TRPC7: variants seen among roughly 807,000 people sequenced by gnomAD.
TRPC7 encodes the protein short transient receptor potential channel 7.
TRPC7 carries 42 observed loss-of-function variants against 90.1 expected under a neutral mutation model. The ratio of observed to expected loss-of-function variants is 0.47; its 90% CI spans 0.36 to 0.60. The LOEUF (loss-of-function observed/expected upper bound fraction) is 0.60. Ranked by LOEUF, TRPC7 falls within the 20% of genes least tolerant of loss-of-function variation. The probability of loss-of-function intolerance (pLI) is 0.00; values close to 1 mark genes in which losing one functional copy is unlikely to be tolerated. For missense variants in TRPC7, 955 were observed against 1,112.3 expected, an observed-to-expected ratio of 0.86 and a Z score of 2.01; for synonymous variants, 451 against 436.3, an observed-to-expected ratio of 1.03 and a Z score of -0.42.
intron 5 of TRPC7, among the ~76,000 whole-genome samples, chr5:136,264,305 G>A (rs564203486): frequency 4.6e-4 from 70 of 152,322 alleles, no homozygotes; most frequent in African/African-American, 1.6e-3. Context: ...ATTTACCAGA[G>A]TCTTCTACCT....
At chr5:136,288,241 A>ATC (rs1434180387) in intron 3 of TRPC7, among the ~76,000 whole-genome samples, 10 of 152,256 alleles carry the variant, frequency 6.6e-5, no homozygotes, top group Non-Finnish European at 1.0e-4. Context: ...TATGTGAGAT[A>ATC]TCTTACCAGC....
intron 6 of TRPC7, among the ~76,000 whole-genome samples, chr5:136,250,554 G>A (rs1756486946): frequency 6.6e-6 from 1 of 152,134 alleles, no homozygotes; most frequent in African/African-American, 2.4e-5. Flanking sequence ...AAATTACAGT[G>A]TTTGAACAAG....
intron 2 of TRPC7, among the ~76,000 whole-genome samples, chr5:136,322,812 G>A (rs1428656354): frequency 6.6e-6 from 1 of 152,134 alleles, no homozygotes; most frequent in Non-Finnish European, 1.5e-5. Context: ...AATCCTTTGT[G>A]CACTTAAAAC....
intron 3 of TRPC7, among the ~76,000 whole-genome samples, chr5:136,311,107 A>G (rs1415673063): frequency 6.6e-6 from 1 of 152,130 alleles, no homozygotes; most frequent in Non-Finnish European, 1.5e-5. Flanking sequence ...GGCCTCTCTC[A>G]TGCAAAACCG....
At chr5:136,299,133 C>G (rs1017619694) in intron 3 of TRPC7, among the ~76,000 whole-genome samples, 2 of 151,954 alleles carry the variant, frequency 1.3e-5, no homozygotes, top group African/African-American at 2.4e-5. Flanking sequence ...GAAACCCCGT[C>G]TCTACTAAAA....
At chr5:136,353,588 G>C (rs1309825083) in intron 2 of TRPC7, among the ~76,000 whole-genome samples, 1 of 152,092 alleles carries the variant, frequency 6.6e-6, no homozygotes, top group Admixed American at 6.5e-5. Context: ...CTGCTAAGCT[G>C]CTCTCCTCTG....
At chr5:136,222,572 C>T (rs1403002401) in intron 10 of TRPC7, among the ~76,000 whole-genome samples, 1 of 152,154 alleles carries the variant, frequency 6.6e-6, no homozygotes, top group South Asian at 2.1e-4. Flanking sequence ...ATACTCAGAT[C>T]CCCCCTCAAA....
intron 1 of TRPC7, among the ~76,000 whole-genome samples, chr5:136,363,529 A>G (rs7444275): frequency 0.28 from 42,438 of 152,056 alleles, 7,168 homozygotes; most frequent in Admixed American, 0.42. Flanking sequence ...ACGAGTTCAT[A>G]CATTTCACCA....
At chr5:136,296,455 A>ACTTTATGCAG (rs1163939047) in intron 3 of TRPC7, among the ~76,000 whole-genome samples, 113 of 152,370 alleles carry the variant, frequency 7.4e-4, no homozygotes, top group African/African-American at 2.4e-3. Flanking sequence ...AGGAAATAAC[A>ACTTTATGCAG]GAAAAGAAGG....
chr5:136,270,496 G>A (rs1197881184), intron 4 of TRPC7, among the ~76,000 whole-genome samples: 2 of 152,148 alleles, frequency 1.3e-5, no homozygotes, highest in African/African-American at 4.8e-5. Flanking sequence ...ACACAAAGGT[G>A]GACCCAAACA....
chr5:136,249,190 T>C (rs1246688084), intron 6 of TRPC7, among the ~76,000 whole-genome samples: 1 of 152,336 alleles, frequency 6.6e-6, no homozygotes, highest in South Asian at 2.1e-4. Context: ...GGATATTACA[T>C]AGCAATTCGT....
rs768506100 is a variant in TRPC7 at position 136,349,372 on chromosome 5, A to G, written c.780+7236T>C. 1.8e-3 allele frequency among the ~76,000 whole-genome samples: 268 copies of G among 152,314 alleles called. 6 individuals carry two copies. The highest frequency in any genetic ancestry group is 1.3e-3 in the Admixed American group (20 of 15,304). ...CAGAAATCAGCAAGACCCTCTGAAT[A>G]GAGGAGGTGCTGAATTTTAAGCCGT... On this transcript the variant is annotated intron_variant, in intron 2 of 11. Coordinates refer to ENST00000513104, the MANE Select transcript of TRPC7 (RefSeq NM_020389.3).
intron 5 of TRPC7, among the ~76,000 whole-genome samples, chr5:136,264,577 G>A (rs1401320050): frequency 6.6e-6 from 1 of 151,992 alleles, no homozygotes; most frequent in African/African-American, 2.4e-5. Flanking sequence ...TTGGTCACAG[G>A]GTTGCTGTTT....
At chr5:136,284,348 A>G (rs1267055831) in intron 3 of TRPC7, among the ~76,000 whole-genome samples, 1 of 152,216 alleles carries the variant, frequency 6.6e-6, no homozygotes, top group Non-Finnish European at 1.5e-5. Flanking sequence ...TAAATTTCTT[A>G]ATGGGCTGGG....
intron 8 of TRPC7, among the ~76,000 whole-genome samples, chr5:136,228,098 C>G (rs1351787053): frequency 6.6e-6 from 1 of 152,074 alleles, no homozygotes; most frequent in East Asian, 1.9e-4. Flanking sequence ...CCAGGAGAGG[C>G]CCACAAGAGT....
intron 3 of TRPC7, among the ~76,000 whole-genome samples, chr5:136,308,903 C>T (rs2149835974): frequency 6.6e-6 from 1 of 152,276 alleles, no homozygotes; most frequent in Admixed American, 6.5e-5. Flanking sequence ...CTGACAAGTT[C>T]TATTAATAGT....
At chr5:136,308,192 G>A (rs982733971) in intron 3 of TRPC7, among the ~76,000 whole-genome samples, 2 of 152,190 alleles carry the variant, frequency 1.3e-5, no homozygotes, top group Non-Finnish European at 2.9e-5. Flanking sequence ...TTTGCTTCTT[G>A]AGAAAACAAA....
intron 5 of TRPC7, among the ~76,000 whole-genome samples, chr5:136,259,713 G>A (rs149923134): frequency 2.6e-5 from 4 of 152,288 alleles, no homozygotes; most frequent in South Asian, 2.1e-4. Context: ...GATTCCTATG[G>A]TATGTGTGGA....
chr5:136,298,105 A>G (rs1379363695), intron 3 of TRPC7, among the ~76,000 whole-genome samples: 1 of 152,232 alleles, frequency 6.6e-6, no homozygotes, highest in Non-Finnish European at 1.5e-5. Context: ...ACAAGTAAAC[A>G]AAAGAAACAA....
Sources: gnomAD v4.1 joint callset for allele counts (sites outside exome capture counted in the v4.1 genomes callset) on GRCh38, gnomAD v4.1.1 for gene constraint, MANE v1.5 for transcripts, NCBI Gene and HGNC (gene_info 2026-07-23, HGNC 2026-07-21) for gene names.